RHBDD3: variants seen among roughly 807,000 people sequenced by gnomAD.
RHBDD3 encodes rhomboid domain containing 3, also known as rhomboid domain-containing protein 3.
A neutral mutation model predicts 32.3 loss-of-function variants in RHBDD3; 34 were observed. The observed-to-expected ratio is 1.05, with a 90% CI of 0.80 to 1.40. The LOEUF is 1.40. Ranked by LOEUF, RHBDD3 falls within the 40% of genes most tolerant of loss-of-function variation. The pLI is 0.00. For missense variants in RHBDD3, 482 were observed against 492.6 expected (o/e 0.98, Z 0.20); for synonymous variants, 249 against 239.1 (o/e 1.04, Z -0.38).
At position 29,260,588 on chromosome 22, in the gene RHBDD3, C is replaced by G; in HGVS notation, c.721G>C (p.Val241Leu). The change falls in exon 6 of 7, where the codon GTG becomes CTG. Residue 241 changes from valine to leucine, a missense_variant. By Grantham distance (32) the Val-to-Leu change is conservative. Transcript: ENST00000216085. ...VRPPIPGPPY[V>L]ASPDLWSHWE... ...TGGGACCAGAGGTCAGGGGAGGCCA[C>G]ATAAGGCGGTCCAGGGATGGGAGGC... is the stretch of plus-strand genomic sequence containing the variant. 5 of 1,597,850 alleles carry G rather than the reference C, an allele frequency of 3.1e-6. No homozygotes were observed. The highest frequency in any genetic ancestry group is 4.3e-6 in the Non-Finnish European group (5 of 1,173,218).
intron 4 of RHBDD3, chr22:29,261,468 C>G (rs2058119458): frequency 2.5e-6 from 1 of 393,270 alleles, no homozygotes; most frequent in Non-Finnish European, 5.1e-6. Context: ...GCAGTGCACA[C>G]CTGTAATCTC....
In RHBDD3 at chr22:29,265,549, G is replaced by A; in HGVS notation, c.78C>T (p.Ser26=). 1 of 1,587,242 alleles carries A rather than the reference G, an allele frequency of 6.3e-7. No individual in the cohort carries two copies. The highest frequency in any genetic ancestry group is 8.5e-7 in the Non-Finnish European group (1 of 1,170,418). ...LASSVLMLLM[S]TLWLVGAGPG... ...GGCCGGCCCCCACCAGCCACAGGGT[G>A]CTCATCAGCAGCATCAGGACTGAGG... Residue 26 remains serine (S), a synonymous_variant, in exon 3 of 7, where the codon AGC becomes AGT. Coordinates refer to ENST00000216085, the MANE Select transcript of RHBDD3 (RefSeq NM_012265.3).
chr22:29,265,610 G>T lies in RHBDD3; in HGVS notation c.17C>A (p.Pro6His). MHARG[P>H]HGQLSPALPL... Reference sequence around the variant, plus strand: ...CAGTGCTGGGGACAGTTGGCCATGGGGGCCCCTGGCATGCATCGCTTGGTT... The same window carrying T: ...CAGTGCTGGGGACAGTTGGCCATGGTGGCCCCTGGCATGCATCGCTTGGTT... The change falls in exon 3 of 7, where the codon CCC becomes CAC. Residue 6 changes from proline (P) to histidine (H), a missense_variant. Coordinates refer to ENST00000216085, the MANE Select transcript of RHBDD3 (RefSeq NM_012265.3). 4 of 1,589,226 alleles carry T rather than the reference G, an allele frequency of 2.5e-6. No homozygotes were observed. The South Asian group carries it at 4.6e-5, about 18-fold the overall frequency.
chr22:29,261,115 C>T, intron 4 of RHBDD3: 1 of 598,948 alleles, frequency 1.7e-6, no homozygotes, highest in Non-Finnish European at 3.0e-6. Context: ...TCACCCGTGA[C>T]CCACTCTGTT....
rs1419689886 is a variant in RHBDD3, at chr22:29,264,019, G to A, written c.348C>T (p.Ala116=). 93 of 1,556,080 alleles carry A rather than the reference G, an allele frequency of 6.0e-5. No homozygotes were observed. Among genetic ancestry groups the A allele is most frequent in the East Asian group, 9.6e-5 (4 of 41,702 alleles). The part of the protein sequence containing the change: ...LLAGLGLSSA[A]GSCGYMPVHL... ...GGACAGGCATGTATCCACAGCTGCC[G>A]GCTGCACTGGACAGCCCAAGGCCTG... The change falls in exon 4 of 7, where the codon GCC becomes GCT. Residue 116 remains alanine (A), a synonymous_variant. Coordinates refer to ENST00000216085, the MANE Select transcript of RHBDD3 (RefSeq NM_012265.3).
Position 29,260,052 on chromosome 22 carries a change from T to C in RHBDD3, c.*8A>G. ...AAGGGCCTGCCTGTGCCCCACTCTC[T>C]GCCTGGGCTAGGGAGGCCCAGGACC... On this transcript the variant is annotated 3_prime_UTR_variant, in exon 7 of 7. Transcript: ENST00000216085. 1 of 1,555,446 alleles carries C rather than the reference T, an allele frequency of 6.4e-7. No homozygotes were observed. The highest frequency in any genetic ancestry group is 8.7e-7 in the Non-Finnish European group (1 of 1,149,846).
Position 29,267,124 on chromosome 22 carries a change from C to G in RHBDD3, c.-43+302G>C, listed in dbSNP as rs754049540. On this transcript the variant is annotated intron_variant, in intron 2 of 6. Coordinates refer to ENST00000216085, the MANE Select transcript of RHBDD3 (RefSeq NM_012265.3). Reference sequence around the variant, plus strand: ...AAAGGACACTAGCTTGGCTCCTGGTCCTGCCGAGGGATTTGAAGGTGAACC... The same window carrying G: ...AAAGGACACTAGCTTGGCTCCTGGTGCTGCCGAGGGATTTGAAGGTGAACC... 2.6e-5 allele frequency among the ~76,000 whole-genome samples: 4 copies of G among 152,348 alleles called. No homozygotes were observed. The East Asian group carries it at 7.7e-4, about 29-fold the overall frequency.
intron 3 of RHBDD3, chr22:29,265,105 G>GT: frequency 6.2e-6 from 1 of 162,214 alleles, no homozygotes; most frequent in South Asian, 2.0e-4. Context: ...TAGAGACAGG[G>GT]TTTAACCATG....
At position 29,260,090 on chromosome 22, in the gene RHBDD3, A is replaced by G. The variant is rs2058091808; in HGVS notation, c.1131T>C (p.Pro377=). 1 of 1,574,768 alleles carries G rather than the reference A, an allele frequency of 6.4e-7. No individual in the cohort carries two copies. Among genetic ancestry groups the G allele is most frequent in the South Asian group, 1.2e-5 (1 of 86,022 alleles). The part of the protein sequence containing the change: ...ETLVTHGKGG[P]AHSEGPGPP ...GAGGCCCAGGACCCTCGGAGTGGGCAGGCCCACCCTTTCCATGGGTCACCA... is the reference window on the plus strand; with the variant it reads ...GAGGCCCAGGACCCTCGGAGTGGGCGGGCCCACCCTTTCCATGGGTCACCA... Residue 377 remains proline, a synonymous_variant, in exon 7 of 7, where the codon CCT becomes CCC. Coordinates refer to ENST00000216085, the MANE Select transcript of RHBDD3 (RefSeq NM_012265.3).
Position 29,265,508 on chromosome 22 carries a change from G to A in RHBDD3, c.119C>T (p.Ala40Val). 6.4e-7 allele frequency: 1 copy of A among 1,554,426 alleles called. No homozygotes were observed. Among genetic ancestry groups the A allele is most frequent in the Non-Finnish European group, 8.6e-7 (1 of 1,157,964 alleles). The change falls in exon 3 of 7, where the codon GCC becomes GTC. Residue 40 changes from alanine (A) to valine (V), a missense_variant. Physicochemically the swap from Ala to Val is moderately conservative, Grantham distance 64 (BLOSUM62 0). Transcript: ENST00000216085. ...LVGAGPGLVL[A>V]PELLLDPWQV... ...CCAGGGGTCCAGCAACAGCTCCGGG[G>A]CCAGGACCAGGCCGGGGCCGGCCCC...
intron 4 of RHBDD3, chr22:29,261,111 G>A (rs777297824): frequency 2.2e-5 from 13 of 599,324 alleles, no homozygotes; most frequent in African/African-American, 3.7e-5. Context: ...GGGCTCACCC[G>A]TGACCCACTC....
chr22:29,260,711 G>T lies in RHBDD3; in HGVS notation c.686C>A (p.Ala229Asp). 6.3e-7 allele frequency: 1 copy of T among 1,582,094 alleles called. No individual in the cohort carries two copies. Among genetic ancestry groups the T allele is most frequent in the Non-Finnish European group, 8.6e-7 (1 of 1,164,952 alleles). ...SLAELPVTHP[A>D]GVRPPIPGPP... The stretch of plus-strand genomic sequence containing the variant: ...CCCCCATCACCCTCACCTCACTCCG[G>T]CAGGATGGGTGACAGGCAGCTCCGC... Residue 229 changes from alanine (A) to aspartate (D), a missense_variant, in exon 5 of 7, where the codon GCC becomes GAC. Coordinates refer to ENST00000216085, the MANE Select transcript of RHBDD3 (RefSeq NM_012265.3).
rs1268747722 is a variant in RHBDD3 at position 29,260,393 on chromosome 22, G to A, written c.916C>T (p.Leu306Phe). 1 of 1,612,572 alleles carries A rather than the reference G, an allele frequency of 6.2e-7. No individual in the cohort carries two copies. Among genetic ancestry groups the A allele is most frequent in the Non-Finnish European group, 8.5e-7 (1 of 1,179,716 alleles). ...MLQEGIQASL[L>F]DGPAQEPQSA... ...TGGGGTTCCTGGGCTGGCCCGTCAA[G>A]AAGCGAGGCCTGGATGCCCTCCTGC... Residue 306 changes from leucine to phenylalanine, a missense_variant, in exon 6 of 7, where the codon CTT becomes TTT. By Grantham distance (22) the Leu-to-Phe change is conservative. Coordinates refer to ENST00000216085, the MANE Select transcript of RHBDD3 (RefSeq NM_012265.3).
In RHBDD3 at chr22:29,260,580, G is replaced by C; in HGVS notation, c.729C>G (p.Ser243=). ...PPIPGPPYVA[S]PDLWSHWEDS... ...CTTCCCAGTGGGACCAGAGGTCAGGGGAGGCCACATAAGGCGGTCCAGGGA... is the reference window on the plus strand; with the variant it reads ...CTTCCCAGTGGGACCAGAGGTCAGGCGAGGCCACATAAGGCGGTCCAGGGA... The change falls in exon 6 of 7, where the codon TCC becomes TCG. Residue 243 remains serine (S), a synonymous_variant. Transcript: ENST00000216085. The C allele has an allele frequency of 6.2e-7, 1 of 1,600,746 alleles. No individual in the cohort carries two copies. Among genetic ancestry groups the C allele is most frequent in the Non-Finnish European group, 8.5e-7 (1 of 1,175,572 alleles).
At chr22:29,264,407 G>A in intron 3 of RHBDD3, 189 bp from the exon 4 acceptor site, 1 of 1,416,448 alleles carries the variant, frequency 7.1e-7, no homozygotes. Context: ...TCCAAACACT[G>A]TGGCTACGCC....
chr22:29,260,673 T>C (rs747939442), intron 5 of RHBDD3, 29 bp downstream of exon 5: 1 of 1,552,060 alleles, frequency 6.4e-7, no homozygotes, highest in Non-Finnish European at 8.7e-7. Context: ...GCCCACCACC[T>C]GGACTGGCAT....
Position 29,260,164 on chromosome 22 carries a change from C to A in RHBDD3, c.1057G>T (p.Glu353Ter). ...VVALAATGRVEGAVSLLVGGQ... is the reference protein window; with the variant it reads ...VVALAATGRV ...CCAACCAACAGTGACACGGCACCCT[C>A]CACACGGCCTGTGGCTGCCAGTGCC... The change falls in exon 7 of 7, where the codon GAG becomes TAG. Residue 353 changes from glutamate to a stop codon, truncating the protein, a stop_gained. Transcript: ENST00000216085. LOFTEE classifies it high-confidence loss of function. 1 of 1,589,930 alleles carries A rather than the reference C, an allele frequency of 6.3e-7. No homozygotes were observed. Among genetic ancestry groups the A allele is most frequent in the East Asian group, 2.3e-5 (1 of 43,732 alleles).
Position 29,260,717 on chromosome 22 carries a change from T to C in RHBDD3, c.680A>G (p.His227Arg), listed in dbSNP as rs2231397. The change falls in exon 5 of 7, where the codon CAT becomes CGT. Residue 227 changes from histidine to arginine, a missense_variant. Physicochemically the swap from His to Arg is conservative, Grantham distance 29. Coordinates refer to ENST00000216085, the MANE Select transcript of RHBDD3 (RefSeq NM_012265.3). ...PGSLAELPVT[H>R]PAGVRPPIPG... ...TCACCCTCACCTCACTCCGGCAGGATGGGTGACAGGCAGCTCCGCCAGGCT... is the reference window on the plus strand; with the variant it reads ...TCACCCTCACCTCACTCCGGCAGGACGGGTGACAGGCAGCTCCGCCAGGCT... 9.4e-4 allele frequency: 1,494 copies of C among 1,586,698 alleles called. 12 individuals carry two copies. In the African/African-American group the frequency reaches 0.018, roughly 19 times the overall value.
At chr22:29,261,995 A>C (rs957273033) in intron 4 of RHBDD3, 4 of 152,126 alleles carry the variant, frequency 2.6e-5, no homozygotes, top group African/African-American at 9.7e-5. Context: ...TCCTCATTGA[A>C]TCGACTTGGC....
Sources: gnomAD v4.1 joint callset for allele counts (sites outside exome capture counted in the v4.1 genomes callset) on GRCh38, gnomAD v4.1.1 for gene constraint, MANE v1.5 for transcripts, NCBI Gene and HGNC (gene_info 2026-07-23, HGNC 2026-07-21) for gene names.